PDIA6: variants seen among roughly 807,000 people sequenced by gnomAD.
PDIA6 encodes protein disulfide-isomerase A6.
A neutral mutation model predicts 58.4 loss-of-function variants in PDIA6; 29 were observed. The observed-to-expected ratio is 0.50, with a 90% confidence interval of 0.37 to 0.68. The LOEUF (loss-of-function observed/expected upper bound fraction) is 0.68. Among genes scored for constraint, PDIA6 ranks in the 30% least tolerant of loss-of-function variants. The pLI is 0.00. For synonymous variants in PDIA6, 192 were observed against 202.6 expected, an observed-to-expected ratio of 0.95 and a Z score of 0.44; for missense variants, 480 against 551.0, an observed-to-expected ratio of 0.87 and a Z score of 1.29.
At chr2:10,809,091 G>A (rs1326398738) in intron 1 of PDIA6, among the ~76,000 whole-genome samples, 3 of 152,180 alleles carry the variant, frequency 2.0e-5, no homozygotes, top group Non-Finnish European at 4.4e-5. Context: ...TTACAGGCGT[G>A]AGCCACCGTG....
Position 10,791,866 on chromosome 2 carries a change from A to G in PDIA6, c.513T>C (p.Asp171=). Reference sequence around the variant, plus strand: ...CATCTTCACTGTCCAGAACATTCTTATCAAAGCTGTCGTCTGTCAGCTCAA... The same window carrying G: ...CATCTTCACTGTCCAGAACATTCTTGTCAAAGCTGTCGTCTGTCAGCTCAA... ...DVIELTDDSF[D]KNVLDSEDVW... Residue 171 remains aspartate, a synonymous_variant, in exon 6 of 13, where the codon GAT becomes GAC. Transcript: ENST00000272227. 1 of 1,614,120 alleles carries G rather than the reference A, an allele frequency of 6.2e-7. No individual in the cohort carries two copies. The highest frequency in any genetic ancestry group is 8.5e-7 in the Non-Finnish European group (1 of 1,179,948).
At position 10,784,124 on chromosome 2, in the gene PDIA6, G is replaced by T; in HGVS notation, c.*134C>A. ...GTTCACTGTTGCAGTGTTTTCAAATGACCAATCAAGTACTACTTCTTGGTT... is the reference window on the plus strand; with the variant it reads ...GTTCACTGTTGCAGTGTTTTCAAATTACCAATCAAGTACTACTTCTTGGTT... On this transcript the variant is annotated 3_prime_UTR_variant, in exon 13 of 13. Coordinates refer to ENST00000272227, the MANE Select transcript of PDIA6 (RefSeq NM_005742.4). 1 of 524,164 alleles carries T rather than the reference G, an allele frequency of 1.9e-6. No individual in the cohort carries two copies. The highest frequency in any genetic ancestry group is 3.3e-6 in the Non-Finnish European group (1 of 300,938). The allele number at this position is 524,164 out of a possible 1,614,324, so 32.5% of individuals were successfully genotyped here.
intron 4 of PDIA6, among the ~76,000 whole-genome samples, chr2:10,793,698 G>A (rs1686520): frequency 0.49 from 74,230 of 152,008 alleles, 19,665 homozygotes; most frequent in Middle Eastern, 0.58. Context: ...TAGTGTGAAC[G>A]AAAACTCCCT....
upstream of PDIA6, among the ~76,000 whole-genome samples, chr2:10,836,278 G>T (rs1027951465): frequency 2.4e-4 from 37 of 152,186 alleles, no homozygotes; most frequent in African/African-American, 8.9e-4. Context: ...TCCTACGATG[G>T]CCTGCTGCAG....
intron 1 of PDIA6, among the ~76,000 whole-genome samples, chr2:10,812,181 A>T (rs925990682): frequency 6.6e-6 from 1 of 152,114 alleles, no homozygotes; most frequent in Non-Finnish European, 1.5e-5. Context: ...AAGTGCTGGG[A>T]TTACAGGTGT....
chr2:10,812,824 G>C (rs1237800696), upstream of PDIA6: 1 of 1,181,492 alleles, frequency 8.5e-7, no homozygotes, highest in South Asian at 4.2e-5. Context: ...GCGGCCGCGC[G>C]GGGGCGGGCC....
Position 10,828,180 on chromosome 2 carries a change from A to G in PDIA6, c.-48+4022T>C, listed in dbSNP as rs187336411. Among the ~76,000 whole-genome samples the G allele has an allele frequency of 1.2e-3, 176 of 152,326 alleles. 2 individuals are homozygous for G. Among genetic ancestry groups the G allele is most frequent in the African/African-American group, 3.7e-3 (153 of 41,574 alleles). Reference sequence around the variant, plus strand: ...TTGTGCATTCTATGGGTCTGGACAGATGGAGATGACACACATCTACTCTTA... The same window carrying G: ...TTGTGCATTCTATGGGTCTGGACAGGTGGAGATGACACACATCTACTCTTA... On this transcript the variant is annotated intron_variant, in intron 1 of 13. Coordinates refer to the PDIA6 transcript ENST00000381611.
intron 1 of PDIA6, among the ~76,000 whole-genome samples, chr2:10,824,027 T>C (rs1052087773): frequency 6.6e-6 from 1 of 152,210 alleles, no homozygotes; most frequent in Non-Finnish European, 1.5e-5. Flanking sequence ...CTTTATGATT[T>C]AGCTTCTCTT....
At chr2:10,785,473 A>C (rs1364773421) in intron 11 of PDIA6, among the ~76,000 whole-genome samples, 2 of 152,210 alleles carry the variant, frequency 1.3e-5, no homozygotes, top group Non-Finnish European at 2.9e-5. Context: ...CATAAACATC[A>C]GTACTTGAAA....
At position 10,789,766 on chromosome 2, in the gene PDIA6, G is replaced by T. The variant is rs1665946699; in HGVS notation, c.823C>A (p.Pro275Thr). 1 of 1,613,696 alleles carries T rather than the reference G, an allele frequency of 6.2e-7. No homozygotes were observed. Among genetic ancestry groups the T allele is most frequent in the African/African-American group, 1.3e-5 (1 of 74,848 alleles). ...TGGTTTACCTCAAGCAGCTCAGGAG[G>T]TGGGGCGTTATCAGAAAACAAATCA... ...ALDLFSDNAPPPELLEIINED... is the reference protein window; with the variant it reads ...ALDLFSDNAPTPELLEIINED... The change falls in exon 8 of 13, where the codon CCT becomes ACT. Residue 275 changes from proline to threonine, a missense_variant. Pro to Thr is a conservative substitution (Grantham distance 38). Coordinates refer to ENST00000272227, the MANE Select transcript of PDIA6 (RefSeq NM_005742.4).
At chr2:10,812,863 G>T, upstream of PDIA6, 4 of 1,161,284 alleles carry the variant, frequency 3.4e-6, no homozygotes, top group Non-Finnish European at 4.2e-6. Context: ...CGTGGCTGCG[G>T]CTCATTGGTC....
intron 1 of PDIA6, among the ~76,000 whole-genome samples, chr2:10,820,567 G>A (rs189611803): frequency 5.3e-4 from 81 of 152,220 alleles, no homozygotes; most frequent in African/African-American, 1.9e-3. Flanking sequence ...AGTTGTCTTT[G>A]TTTATCTGTG....
intron 4 of PDIA6, among the ~76,000 whole-genome samples, chr2:10,795,527 A>C (rs1455464704): frequency 3.3e-5 from 5 of 152,188 alleles, no homozygotes; most frequent in African/African-American, 1.2e-4. Flanking sequence ...TCCAGCCTCG[A>C]GATTTGCCAA....
At chr2:10,806,628 C>CGAAGGAAAGAAAGAAAGAAAGAAAGAA (rs1553339930) in intron 1 of PDIA6, among the ~76,000 whole-genome samples, 1 of 70,422 alleles carries the variant, frequency 1.4e-5, no homozygotes, top group Non-Finnish European at 3.9e-5. Context: ...AAAATAAAGA[C>CGAAGGAAAGAAAGAAAGAAAGAAAGAA]AGAAAGAAAG....
At chr2:10,788,628 G>A (rs1157132801) in intron 10 of PDIA6, 69 bp downstream of exon 10, 3 of 1,048,598 alleles carry the variant, frequency 2.9e-6, no homozygotes, top group African/African-American at 1.6e-5. Flanking sequence ...AAACACGGGG[G>A]AACCACTCTC....
chr2:10,806,695 T>C (rs4669627), intron 1 of PDIA6, among the ~76,000 whole-genome samples: 62,690 of 137,700 alleles, frequency 0.46, 16,486 homozygotes, highest in Non-Finnish European at 0.56. Context: ...AGAAATAAAA[T>C]TTTTAGAGCA....
At chr2:10,831,183 G>A (rs1401910653) in intron 1 of PDIA6, among the ~76,000 whole-genome samples, 4 of 152,178 alleles carry the variant, frequency 2.6e-5, no homozygotes, top group Non-Finnish European at 4.4e-5. Context: ...GTGATAGGGC[G>A]GGCGTTGATG....
rs756200816 is a variant in PDIA6, at chr2:10,785,033, T to C, written c.1158-3A>G. On this transcript the variant is annotated splice_polypyrimidine_tract_variant and splice_region_variant and intron_variant, in intron 11 of 12. Transcript: ENST00000272227. ...AGCCACGCCCAAAAGAGAGCTCCCT[T>C]AGGGAAAAATGACCAAAACACACAC... is the stretch of plus-strand genomic sequence containing the variant. The C allele has an allele frequency of 6.4e-7, 1 of 1,564,422 alleles. No individual in the cohort carries two copies. Among genetic ancestry groups the C allele is most frequent in the Non-Finnish European group, 8.7e-7 (1 of 1,151,722 alleles).
intron 1 of PDIA6, among the ~76,000 whole-genome samples, chr2:10,803,119 C>T (rs1666583316): frequency 6.6e-6 from 1 of 152,190 alleles, no homozygotes; most frequent in South Asian, 2.1e-4. Context: ...ATTATTGTCT[C>T]TTCCACTAGA....
Sources: gnomAD v4.1 joint callset for allele counts (sites outside exome capture counted in the v4.1 genomes callset) on GRCh38, gnomAD v4.1.1 for gene constraint, MANE v1.5 for transcripts, NCBI Gene and HGNC (gene_info 2026-07-23, HGNC 2026-07-21) for gene names.